RAB3C: variants seen among roughly 807,000 people sequenced by gnomAD.
The protein encoded by RAB3C is RAB3C, member RAS oncogene family.
RAB3C carries 17 observed loss-of-function variants against 26.4 expected under a neutral mutation model. The observed-to-expected ratio is 0.64, with a 90% confidence interval of 0.44 to 0.97. The LOEUF (loss-of-function observed/expected upper bound fraction) is 0.97, where lower values mean the gene tolerates loss of function less well. Among genes scored for constraint, RAB3C ranks in the 50% least tolerant of loss-of-function variants. The pLI is 0.00. For synonymous variants in RAB3C, 91 were observed against 95.9 expected (o/e 0.95, Z 0.30); for missense variants, 242 against 281.9 (o/e 0.86, Z 1.01).
chr5:58,693,444 A>G (rs1272064646), intron 2 of RAB3C, among the ~76,000 whole-genome samples: 1 of 150,342 alleles, frequency 6.7e-6, no homozygotes, highest in Non-Finnish European at 1.5e-5. Context: ...TTTGGTTTCA[A>G]ACTATGAGAG....
intron 2 of RAB3C, among the ~76,000 whole-genome samples, chr5:58,672,451 C>T (rs552028497): frequency 1.3e-5 from 2 of 152,278 alleles, no homozygotes; most frequent in East Asian, 3.9e-4. Flanking sequence ...CTTATCTCAC[C>T]TGTAAAATGA....
upstream of RAB3C, chr5:58,582,316 C>A: frequency 1.2e-6 from 1 of 810,044 alleles, no homozygotes; most frequent in Non-Finnish European, 1.5e-6. Context: ...TGTGCCTTTT[C>A]ATTTTAGCCC....
intron 4 of RAB3C, among the ~76,000 whole-genome samples, chr5:58,829,157 C>T (rs1424265122): frequency 6.6e-6 from 1 of 151,990 alleles, no homozygotes; most frequent in Non-Finnish European, 1.5e-5. Flanking sequence ...CCCACCTCTG[C>T]CTCCCAAAGT....
intron 2 of RAB3C, among the ~76,000 whole-genome samples, chr5:58,647,461 G>A (rs1316655837): frequency 1.4e-5 from 2 of 139,578 alleles, no homozygotes; most frequent in Non-Finnish European, 3.1e-5. Context: ...GGGGAACCAC[G>A]CCCATGATCC....
At chr5:58,716,918 AG>A (rs1406888717) in intron 2 of RAB3C, among the ~76,000 whole-genome samples, 1 of 152,042 alleles carries the variant, frequency 6.6e-6, no homozygotes, top group Non-Finnish European at 1.5e-5. Flanking sequence ...GCAAAACCAC[AG>A]GATGTAAAGC....
At position 58,671,388 on chromosome 5, in the gene RAB3C, G is replaced by A. The variant is rs117234761; in HGVS notation, c.252+53518G>A. ...GAGGCTTCAAAACGAAGGCTGTCTC[G>A]TTCCAGAGCCAGCACAAATAATGAC... On this transcript the variant is annotated intron_variant, in intron 2 of 4. Transcript: ENST00000282878. Among the ~76,000 whole-genome samples, 891 of 152,270 alleles carry A rather than the reference G, an allele frequency of 5.9e-3. 63 individuals are homozygous for A. The East Asian group carries it at 0.14, about 24-fold the overall frequency.
chr5:58,833,671 A>C, intron 4 of RAB3C, among the ~76,000 whole-genome samples: 1 of 152,342 alleles, frequency 6.6e-6, no homozygotes, highest in Non-Finnish European at 1.5e-5. Context: ...CATCCAGAAA[A>C]GTCAGAGAGT....
At chr5:58,736,751 A>G (rs1741145428) in intron 3 of RAB3C, among the ~76,000 whole-genome samples, 1 of 152,192 alleles carries the variant, frequency 6.6e-6, no homozygotes, top group Non-Finnish European at 1.5e-5. Context: ...ATTTCCAAAT[A>G]AGGTCACGTT....
intron 2 of RAB3C, among the ~76,000 whole-genome samples, chr5:58,707,987 C>A (rs780971008): frequency 5.2e-5 from 6 of 115,436 alleles, no homozygotes; most frequent in Non-Finnish European, 1.0e-4. Flanking sequence ...ATCTTTCTTT[C>A]CTTTTTTTTT....
intron 3 of RAB3C, among the ~76,000 whole-genome samples, chr5:58,774,431 G>A (rs770787237): frequency 3.7e-4 from 56 of 152,184 alleles, no homozygotes; most frequent in Non-Finnish European, 6.2e-4. Context: ...TTAAGTCTCT[G>A]TCTCTGTCTC....
intron 3 of RAB3C, among the ~76,000 whole-genome samples, chr5:58,743,421 G>C (rs1741321733): frequency 3.3e-5 from 5 of 151,820 alleles, no homozygotes; most frequent in Admixed American, 3.3e-4. Context: ...CATACTTTAA[G>C]TTCTGGGATA....
intron 2 of RAB3C, among the ~76,000 whole-genome samples, chr5:58,656,598 T>G (rs1267681867): frequency 6.6e-6 from 1 of 152,176 alleles, no homozygotes; most frequent in Admixed American, 6.5e-5. Context: ...TCGCCTCAAA[T>G]AACATAAACA....
intron 1 of RAB3C, among the ~76,000 whole-genome samples, chr5:58,617,054 GATTAA>G (rs1300110924): frequency 6.7e-6 from 1 of 148,878 alleles, no homozygotes; most frequent in Non-Finnish European, 1.5e-5. Context: ...TACTGTGAGG[GATTAA>G]ATAAGTTAGT....
At chr5:58,716,036 A>T (rs1217887893) in intron 2 of RAB3C, among the ~76,000 whole-genome samples, 1 of 149,238 alleles carries the variant, frequency 6.7e-6, no homozygotes, top group Admixed American at 6.6e-5. Context: ...CAATAAAAAA[A>T]AAAGAAAAGG....
intron 1 of RAB3C, among the ~76,000 whole-genome samples, chr5:58,598,777 T>G (rs1360048082): frequency 6.6e-6 from 1 of 152,158 alleles, no homozygotes; most frequent in Non-Finnish European, 1.5e-5. Flanking sequence ...ATTTGAGTCA[T>G]CTATTTCAGA....
intron 2 of RAB3C, among the ~76,000 whole-genome samples, chr5:58,716,754 C>T (rs908048183): frequency 6.6e-6 from 1 of 150,456 alleles, no homozygotes; most frequent in East Asian, 2.0e-4. Context: ...ATCCCCAAAC[C>T]ATGACTCGAA....
chr5:58,703,505 TTTC>T (rs1748889434), intron 2 of RAB3C, among the ~76,000 whole-genome samples: 1 of 152,190 alleles, frequency 6.6e-6, no homozygotes, highest in African/African-American at 2.4e-5. Context: ...TGTAATCATA[TTTC>T]TGATGAAAAA....
intron 1 of RAB3C, among the ~76,000 whole-genome samples, chr5:58,601,276 G>T (rs866002167): frequency 2.0e-4 from 30 of 152,164 alleles, no homozygotes; most frequent in Middle Eastern, 3.4e-3. Context: ...TAGCATCTGT[G>T]TTCTTCAGGG....
intron 4 of RAB3C, among the ~76,000 whole-genome samples, chr5:58,845,482 G>T (rs186026611): frequency 6.6e-6 from 1 of 151,514 alleles, no homozygotes; most frequent in East Asian, 1.9e-4. Flanking sequence ...ACCATTTTGT[G>T]GTAGGGGATT....
Sources: allele counts gnomAD v4.1 joint callset (sites outside exome capture counted in the v4.1 genomes callset), GRCh38; gene constraint gnomAD v4.1.1; transcripts MANE v1.5; gene names NCBI Gene and HGNC (gene_info 2026-07-23, HGNC 2026-07-21).